The following HSD17B4 variants were observed in gnomAD, a reference collection of about 807,000 sequenced individuals.
The protein encoded by HSD17B4 is hydroxysteroid 17-beta dehydrogenase 4.
In HSD17B4, 70 loss-of-function variants were observed where a neutral mutation model predicts 101.0. That is an observed-to-expected ratio of 0.69 (90% CI 0.57 to 0.85). The LOEUF is 0.85. HSD17B4 is among the 40% of genes least tolerant of loss of function. The pLI is 0.00. For synonymous variants in HSD17B4, 347 were observed against 297.1 expected, an observed-to-expected ratio of 1.17 and a Z score of -1.73; for missense variants, 984 against 892.4, an observed-to-expected ratio of 1.10 and a Z score of -1.31.
intron 11 of HSD17B4, among the ~76,000 whole-genome samples, chr5:119,494,587 G>A (rs147258727): frequency 1.4e-3 from 207 of 152,056 alleles, no homozygotes; most frequent in African/African-American, 4.6e-3. Context: ...CAACAAAACC[G>A]CCCAGATATT....
chr5:119,452,592 G>A lies in HSD17B4; in HGVS notation c.17G>A (p.Arg6Lys), dbSNP rs1406012759. 4.3e-6 allele frequency: 7 copies of A among 1,614,056 alleles called. No individual in the cohort carries two copies. The highest frequency in any genetic ancestry group is 5.9e-6 in the Non-Finnish European group (7 of 1,180,002). Residue 6 changes from arginine to lysine, a missense_variant, in exon 1 of 24, where the codon AGG becomes AAG. Coordinates refer to ENST00000510025, the MANE Select transcript of HSD17B4 (RefSeq NM_000414.4). ...GCCTTATTCATGGGCTCACCGCTGA[G>A]GTTCGACGGGCGGGTGGTACTGGTC... MGSPL[R>K]FDGRVVLVTG...
At chr5:119,492,840 T>C (rs946790376) in intron 10 of HSD17B4, 9 of 152,126 alleles carry the variant, frequency 5.9e-5, no homozygotes, top group Non-Finnish European at 1.0e-4. Flanking sequence ...ATTAAAAAAA[T>C]TGTGAAAATT....
At chr5:119,501,191 G>A (rs541134132) in intron 13 of HSD17B4, among the ~76,000 whole-genome samples, 2 of 152,004 alleles carry the variant, frequency 1.3e-5, no homozygotes, top group Non-Finnish European at 2.9e-5. Flanking sequence ...AATCGTAAAT[G>A]GTGTTCATGC....
intron 22 of HSD17B4, 54 bp downstream of exon 22, chr5:119,531,458 G>GT: frequency 1.9e-6 from 3 of 1,547,114 alleles, no homozygotes; most frequent in Non-Finnish European, 2.7e-6. Context: ...AGTAAATAAA[G>GT]TATCTTTTTA....
chr5:119,480,326 A>G (rs1333508880), intron 8 of HSD17B4, among the ~76,000 whole-genome samples: 2 of 151,596 alleles, frequency 1.3e-5, no homozygotes, highest in African/African-American at 2.4e-5. Context: ...GTTCTTTTCT[A>G]TTTTCCTAAG....
chr5:119,523,447 G>T (rs1753291969), intron 17 of HSD17B4, among the ~76,000 whole-genome samples: 1 of 152,036 alleles, frequency 6.6e-6, no homozygotes, highest in Non-Finnish European at 1.5e-5. Flanking sequence ...ATAAGCTTTG[G>T]CAGTGGTCAT....
At chr5:119,532,127 C>G (rs1037613536) in intron 22 of HSD17B4, among the ~76,000 whole-genome samples, 3 of 152,124 alleles carry the variant, frequency 2.0e-5, no homozygotes, top group Non-Finnish European at 4.4e-5. Context: ...TCATGGCACA[C>G]ACTTTAATTA....
chr5:119,516,114 G>A (rs774929495), intron 17 of HSD17B4, among the ~76,000 whole-genome samples: 1 of 152,152 alleles, frequency 6.6e-6, no homozygotes, highest in Non-Finnish European at 1.5e-5. Context: ...GAGAATTAAA[G>A]TTGGTACATA....
Position 119,473,930 on chromosome 5 carries a change from C to T in HSD17B4, c.135C>T (p.Phe45=). ...LVVVNDLGGD[F]KGVGKGSLAA... is the part of the protein sequence containing the mutation. ...CAGTGAATGATTTGGGAGGGGACTTCAAAGGAGTTGGTAAAGGCTCCTTAG... is the reference window on the plus strand; with the variant it reads ...CAGTGAATGATTTGGGAGGGGACTTTAAAGGAGTTGGTAAAGGCTCCTTAG... The change falls in exon 3 of 24, where the codon TTC becomes TTT. Residue 45 remains phenylalanine (F), a synonymous_variant. Transcript: ENST00000510025. 6.2e-7 allele frequency: 1 copy of T among 1,608,586 alleles called. No individual in the cohort carries two copies. The highest frequency in any genetic ancestry group is 8.5e-7 in the Non-Finnish European group (1 of 1,175,060).
At chr5:119,528,755 G>A (rs1238316618) in intron 20 of HSD17B4, among the ~76,000 whole-genome samples, 1 of 152,066 alleles carries the variant, frequency 6.6e-6, no homozygotes, top group African/African-American at 2.4e-5. Flanking sequence ...ATGATTAAAT[G>A]TCTAAATATA....
Position 119,498,906 on chromosome 5 carries a change from A to G in HSD17B4, c.973-411A>G, listed in dbSNP as rs549096304. On this transcript the variant is annotated intron_variant, in intron 12 of 23. Coordinates refer to ENST00000510025, the MANE Select transcript of HSD17B4 (RefSeq NM_000414.4). ...AAACAAACAAACAGAAACCATTATG[A>G]GGCAATCAAATTTACATCCATTAAG... 7.9e-5 allele frequency among the ~76,000 whole-genome samples: 12 copies of G among 152,250 alleles called. No homozygotes were observed. In the East Asian group the frequency reaches 1.2e-3, roughly 15 times the overall value.
At chr5:119,484,403 T>C (rs1355188362) in intron 8 of HSD17B4, among the ~76,000 whole-genome samples, 1 of 152,194 alleles carries the variant, frequency 6.6e-6, no homozygotes, top group Non-Finnish European at 1.5e-5. Context: ...TATGATGTTT[T>C]GATTACTCTA....
Position 119,477,406 on chromosome 5 carries a change from T to C in HSD17B4, c.350-11T>C. The stretch of plus-strand genomic sequence containing the variant: ...TACAAAATATTTAATAAAAATAATT[T>C]ATTGTTTTAGATATAATCCACAGAG... On this transcript the variant is annotated splice_polypyrimidine_tract_variant and intron_variant, in intron 6 of 23. Transcript: ENST00000510025. 1.9e-6 allele frequency: 3 copies of C among 1,567,580 alleles called. No individual in the cohort carries two copies. The highest frequency in any genetic ancestry group is 2.6e-6 in the Non-Finnish European group (3 of 1,140,078).
At chr5:119,508,757 C>T (rs1751893918) in intron 15 of HSD17B4, among the ~76,000 whole-genome samples, 1 of 152,200 alleles carries the variant, frequency 6.6e-6, no homozygotes, top group Non-Finnish European at 1.5e-5. Context: ...TCTCCATGCT[C>T]TTCTTGACTG....
chr5:119,522,612 C>G (rs1753218953), intron 17 of HSD17B4, among the ~76,000 whole-genome samples: 2 of 152,194 alleles, frequency 1.3e-5, no homozygotes, highest in Non-Finnish European at 2.9e-5. Context: ...TGCCCTTTCT[C>G]TCTGTGTAGC....
chr5:119,478,953 G>A lies in HSD17B4; in HGVS notation c.554G>A (p.Ser185Asn). Residue 185 changes from serine to asparagine, a missense_variant, in exon 8 of 24, where the codon AGC becomes AAC. Ser to Asn is a conservative substitution (Grantham distance 46). Coordinates refer to ENST00000510025, the MANE Select transcript of HSD17B4 (RefSeq NM_000414.4). ...ANSLAIEGRKSNIHCNTIAPN... is the reference protein window; with the variant it reads ...ANSLAIEGRKNNIHCNTIAPN... ...TCTCTTGCAATTGAAGGCAGGAAAA[G>A]CAACATTCATTGTAACACCATTGCT... is the stretch of plus-strand genomic sequence containing the variant. 1 of 1,613,682 alleles carries A rather than the reference G, an allele frequency of 6.2e-7. No individual in the cohort carries two copies. The highest frequency in any genetic ancestry group is 1.7e-5 in the Admixed American group (1 of 59,978).
chr5:119,525,964 G>T lies in HSD17B4; in HGVS notation c.1621G>T (p.Ala541Ser). 1 of 1,612,216 alleles carries T rather than the reference G, an allele frequency of 6.2e-7. No homozygotes were observed. The highest frequency in any genetic ancestry group is 1.1e-5 in the South Asian group (1 of 91,040). The change falls in exon 19 of 24, where the codon GCC becomes TCC. Residue 541 changes from alanine (A) to serine (S), a missense_variant. Physicochemically the swap from Ala to Ser is moderately conservative, Grantham distance 99. Transcript: ENST00000510025. ...LHGLCTFGFS[A>S]RRVLQQFADN... ...TGGATTATGTACATTTGGATTTTCT[G>T]CCAGGCGTGTGTTACAGCAGTTTGC... is the stretch of plus-strand genomic sequence containing the variant.
At chr5:119,453,919 G>C (rs532368683) in intron 1 of HSD17B4, among the ~76,000 whole-genome samples, 1 of 152,306 alleles carries the variant, frequency 6.6e-6, no homozygotes, top group South Asian at 2.1e-4. Context: ...CATGCAGGAG[G>C]TCCAGGGATT....
intron 11 of HSD17B4, chr5:119,495,698 T>C: frequency 5.4e-6 from 1 of 185,590 alleles, no homozygotes; most frequent in South Asian, 8.2e-5. Context: ...TAAGACAGAG[T>C]CTTGTTCTGT....
Sources: gnomAD v4.1 joint callset for allele counts (sites outside exome capture counted in the v4.1 genomes callset) on GRCh38, gnomAD v4.1.1 for gene constraint, MANE v1.5 for transcripts, NCBI Gene and HGNC (gene_info 2026-07-23, HGNC 2026-07-21) for gene names.